WWOX: variants seen among roughly 807,000 people sequenced by gnomAD.
The protein encoded by WWOX is WW domain containing oxidoreductase.
WWOX carries 69 observed loss-of-function variants against 46.2 expected under a neutral mutation model. The observed-to-expected ratio is 1.49, with a 90% CI of 1.23 to 1.82. The LOEUF (loss-of-function observed/expected upper bound fraction) is 1.82, where lower values mean the gene tolerates loss of function less well. Ranked by LOEUF, WWOX falls within the 40% of genes most tolerant of loss-of-function variation. WWOX has a pLI of 0.00. For synonymous variants in WWOX, 359 were observed against 202.6 expected, an observed-to-expected ratio of 1.77 and a Z score of -6.56; for missense variants, 919 against 542.6, an observed-to-expected ratio of 1.69 and a Z score of -6.89.
chr16:78,932,749 G>C (rs915564563), intron 8 of WWOX, among the ~76,000 whole-genome samples: 3 of 152,194 alleles, frequency 2.0e-5, no homozygotes, highest in African/African-American at 7.2e-5. Context: ...CCTGGGAAGT[G>C]GTAGGGAGGG....
chr16:79,111,988 C>A (rs576005147), intron 8 of WWOX, among the ~76,000 whole-genome samples: 1 of 152,064 alleles, frequency 6.6e-6, no homozygotes, highest in African/African-American at 2.4e-5. Flanking sequence ...TAAGCACCAT[C>A]CCCAAACTCC....
intron 8 of WWOX, among the ~76,000 whole-genome samples, chr16:79,068,634 C>T (rs1221867870): frequency 6.6e-6 from 1 of 151,414 alleles, no homozygotes; most frequent in Non-Finnish European, 1.5e-5. Flanking sequence ...ACCCCCATCT[C>T]TACAAACAAC....
intron 5 of WWOX, among the ~76,000 whole-genome samples, chr16:78,217,001 G>T (rs1056071132): frequency 2.0e-5 from 3 of 152,166 alleles, no homozygotes; most frequent in African/African-American, 7.2e-5. Context: ...GGGATTACAG[G>T]TGTGAGCCAC....
chr16:78,984,470 G>A (rs947914670), intron 8 of WWOX, among the ~76,000 whole-genome samples: 3 of 152,222 alleles, frequency 2.0e-5, no homozygotes, highest in Non-Finnish European at 4.4e-5. Context: ...GACAGTAAGT[G>A]AATGGATGGG....
At chr16:78,861,404 CAG>C (rs2043882556) in intron 8 of WWOX, among the ~76,000 whole-genome samples, 1 of 152,184 alleles carries the variant, frequency 6.6e-6, no homozygotes, top group Non-Finnish European at 1.5e-5. Context: ...CAGAAGTTGA[CAG>C]AGAGTATAAT....
chr16:78,873,827 A>T (rs764479754), intron 8 of WWOX, among the ~76,000 whole-genome samples: 8 of 151,906 alleles, frequency 5.3e-5, no homozygotes, highest in Non-Finnish European at 8.8e-5. Flanking sequence ...AGATATTTGG[A>T]AGGCTATGTT....
At position 78,231,495 on chromosome 16, in the gene WWOX, T is replaced by C. The variant is rs572445204; in HGVS notation, c.516+67206T>C. 2.7e-4 allele frequency among the ~76,000 whole-genome samples: 41 copies of C among 152,286 alleles called. No individual in the cohort carries two copies. The South Asian group carries it at 8.3e-3, about 31-fold the overall frequency. ...GTCAGCCTGAGTGTTGCTACCTGTTTTCCATAATTGTGTAGCTTTGCCTTT... is the reference window on the plus strand; with the variant it reads ...GTCAGCCTGAGTGTTGCTACCTGTTCTCCATAATTGTGTAGCTTTGCCTTT... On this transcript the variant is annotated intron_variant, in intron 5 of 8. Transcript: ENST00000566780.
At chr16:78,920,083 G>A (rs370329265) in intron 8 of WWOX, among the ~76,000 whole-genome samples, 2 of 152,106 alleles carry the variant, frequency 1.3e-5, no homozygotes, top group African/African-American at 4.8e-5. Flanking sequence ...GCCATAGCTT[G>A]CAAAAACAAA....
chr16:78,672,408 T>C (rs996823418), intron 8 of WWOX, among the ~76,000 whole-genome samples: 8 of 152,070 alleles, frequency 5.3e-5, no homozygotes, highest in African/African-American at 1.2e-4. Flanking sequence ...CAGAAAATAG[T>C]GTATGGATTG....
At chr16:78,410,960 G>A (rs551056639) in intron 6 of WWOX, among the ~76,000 whole-genome samples, 4 of 152,104 alleles carry the variant, frequency 2.6e-5, no homozygotes, top group Non-Finnish European at 4.4e-5. Context: ...GACCAGAGGC[G>A]AACCTCAGTT....
At chr16:79,098,392 C>G (rs1163423256) in intron 8 of WWOX, among the ~76,000 whole-genome samples, 1 of 152,184 alleles carries the variant, frequency 6.6e-6, no homozygotes. Context: ...TGCTTCTTAA[C>G]CAGCAGAAGA....
intron 8 of WWOX, among the ~76,000 whole-genome samples, chr16:78,582,612 C>G (rs1264345953): frequency 2.0e-5 from 3 of 152,120 alleles, no homozygotes. Context: ...TGTCATCAGT[C>G]TATTGGTGGT....
intron 5 of WWOX, among the ~76,000 whole-genome samples, chr16:78,267,393 C>T (rs540888248): frequency 4.2e-4 from 64 of 152,306 alleles, no homozygotes; most frequent in Admixed American, 1.5e-3. Context: ...TCTGACTTTT[C>T]GCTTCATTTT....
intron 8 of WWOX, among the ~76,000 whole-genome samples, chr16:78,648,891 G>C (rs2046904624): frequency 6.6e-6 from 1 of 152,096 alleles, no homozygotes; most frequent in Non-Finnish European, 1.5e-5. Context: ...TTTTACACTA[G>C]CTTTGCACTA....
At chr16:78,696,822 C>T (rs1462898464) in intron 8 of WWOX, among the ~76,000 whole-genome samples, 1 of 152,162 alleles carries the variant, frequency 6.6e-6, no homozygotes, top group African/African-American at 2.4e-5. Flanking sequence ...TTTTACCACT[C>T]TTTCCCTCTC....
chr16:78,919,879 C>T (rs1349485279), intron 8 of WWOX, among the ~76,000 whole-genome samples: 1 of 152,188 alleles, frequency 6.6e-6, no homozygotes, highest in South Asian at 2.1e-4. Flanking sequence ...GTCTGCAGAC[C>T]AGTCTGTACA....
At chr16:78,774,754 G>A in intron 8 of WWOX, among the ~76,000 whole-genome samples, 1 of 152,104 alleles carries the variant, frequency 6.6e-6, no homozygotes, top group South Asian at 2.1e-4. Context: ...GGGCACATAT[G>A]ATAGCATAAG....
At chr16:78,204,247 C>G (rs2036321992) in intron 5 of WWOX, among the ~76,000 whole-genome samples, 2 of 152,094 alleles carry the variant, frequency 1.3e-5, no homozygotes, top group Non-Finnish European at 2.9e-5. Context: ...AAACCCTAAT[C>G]TCTTTTTAAA....
At chr16:78,640,871 AG>A (rs1320909679) in intron 8 of WWOX, among the ~76,000 whole-genome samples, 1 of 150,936 alleles carries the variant, frequency 6.6e-6, no homozygotes, top group Non-Finnish European at 1.5e-5. Context: ...CCTGGGAAGC[AG>A]AGGTTGCAGT....
Sources: allele counts gnomAD v4.1 joint callset (sites outside exome capture counted in the v4.1 genomes callset), GRCh38; gene constraint gnomAD v4.1.1; transcripts MANE v1.5; gene names NCBI Gene and HGNC (gene_info 2026-07-23, HGNC 2026-07-21).